Variants in PHACTR1 observed in about 807,000 individuals in gnomAD.
PHACTR1 encodes RPEL repeat containing 1.
Under a neutral mutation model 69.2 loss-of-function variants are expected in PHACTR1, and 16 were observed. That is an observed-to-expected ratio of 0.23 (90% CI 0.16 to 0.35). The LOEUF is 0.35. Ranked by LOEUF, PHACTR1 falls within the 10% of genes least tolerant of loss-of-function variation. The probability of loss-of-function intolerance (pLI) is 1.00; values close to 1 mark genes in which losing one functional copy is unlikely to be tolerated. For synonymous variants in PHACTR1, 312 were observed against 284.5 expected (o/e 1.10, Z -0.97); for missense variants, 510 against 734.7 (o/e 0.69, Z 3.54).
chr6:12,906,365 C>T (rs952794611), intron 4 of PHACTR1, among the ~76,000 whole-genome samples: 8 of 152,102 alleles, frequency 5.3e-5, no homozygotes, highest in Admixed American at 4.6e-4. Context: ...AGGGGTCAGC[C>T]TTTTCTCCCT....
chr6:12,769,555 G>A (rs1207269892), intron 4 of PHACTR1, among the ~76,000 whole-genome samples: 2 of 152,086 alleles, frequency 1.3e-5, no homozygotes, highest in Non-Finnish European at 2.9e-5. Flanking sequence ...GATAAACTGG[G>A]GATAATATTG....
chr6:12,754,953 G>A (rs1432096632), intron 4 of PHACTR1, among the ~76,000 whole-genome samples: 1 of 152,170 alleles, frequency 6.6e-6, no homozygotes, highest in Non-Finnish European at 1.5e-5. Context: ...CACGCATTTT[G>A]TTATTCGCAG....
chr6:13,003,405 A>G (rs1798323549), intron 4 of PHACTR1, among the ~76,000 whole-genome samples: 1 of 152,184 alleles, frequency 6.6e-6, no homozygotes, highest in Non-Finnish European at 1.5e-5. Flanking sequence ...AAATTACAAG[A>G]TTTGAGATAG....
At chr6:13,263,383 A>G (rs974194254) in intron 10 of PHACTR1, among the ~76,000 whole-genome samples, 2 of 151,698 alleles carry the variant, frequency 1.3e-5, no homozygotes, top group African/African-American at 4.8e-5. Context: ...AAATTTTTAA[A>G]GAAAATAGAA....
At chr6:13,078,662 C>T (rs541983445) in intron 5 of PHACTR1, among the ~76,000 whole-genome samples, 1 of 152,324 alleles carries the variant, frequency 6.6e-6, no homozygotes. Flanking sequence ...ACCAGACTGG[C>T]AGATACATTT....
rs367727832 is a variant in PHACTR1, at chr6:12,721,246, C to T, written c.103+2399C>T. 2.0e-5 allele frequency among the ~76,000 whole-genome samples: 3 copies of T among 151,872 alleles called. No homozygotes were observed. In the South Asian group the frequency reaches 6.2e-4, roughly 32 times the overall value. On this transcript the variant is annotated intron_variant, in intron 3 of 14. Coordinates refer to ENST00000332995, the MANE Select transcript of PHACTR1 (RefSeq NM_030948.6). ...ACTAAAAATACAAAAATTAGCCAGGCGCAGTGGCATGCCTGTAATCCCAGC... is the reference window on the plus strand; with the variant it reads ...ACTAAAAATACAAAAATTAGCCAGGTGCAGTGGCATGCCTGTAATCCCAGC...
intron 4 of PHACTR1, among the ~76,000 whole-genome samples, chr6:12,857,711 T>C (rs1780539595): frequency 1.3e-5 from 2 of 152,142 alleles, no homozygotes; most frequent in Admixed American, 6.5e-5. Context: ...GTTGCTGCTG[T>C]TGTTGTTGTT....
chr6:13,031,046 G>A (rs546290904), intron 4 of PHACTR1, among the ~76,000 whole-genome samples: 1 of 152,174 alleles, frequency 6.6e-6, no homozygotes, highest in Non-Finnish European at 1.5e-5. Context: ...CCAGATATTT[G>A]GCCAAATGTC....
At chr6:12,747,702 A>G (rs1266057627) in intron 3 of PHACTR1, among the ~76,000 whole-genome samples, 1 of 152,132 alleles carries the variant, frequency 6.6e-6, no homozygotes, top group African/African-American at 2.4e-5. Flanking sequence ...GCCATAAACT[A>G]ATGAGCTAGT....
intron 3 of PHACTR1, among the ~76,000 whole-genome samples, chr6:12,748,854 T>C (rs1211417282): frequency 6.6e-6 from 1 of 152,212 alleles, no homozygotes; most frequent in Non-Finnish European, 1.5e-5. Context: ...ATACCTACTT[T>C]ACATTCAAAA....
chr6:13,105,320 A>G (rs1815919740), intron 5 of PHACTR1, among the ~76,000 whole-genome samples: 1 of 151,976 alleles, frequency 6.6e-6, no homozygotes, highest in Admixed American at 6.6e-5. Context: ...TTGAGGCTAC[A>G]GTGAGCCATG....
At chr6:13,014,913 C>T (rs1001071523) in intron 4 of PHACTR1, among the ~76,000 whole-genome samples, 1 of 152,252 alleles carries the variant, frequency 6.6e-6, no homozygotes, top group South Asian at 2.1e-4. Context: ...CAGCTGTGGA[C>T]GCCCCTGTGT....
intron 4 of PHACTR1, among the ~76,000 whole-genome samples, chr6:12,795,725 T>C (rs1405084041): frequency 2.8e-5 from 4 of 144,678 alleles, no homozygotes; most frequent in Non-Finnish European, 6.0e-5. Flanking sequence ...AACAACATCA[T>C]GGTTTTTGAG....
chr6:12,833,360 G>A (rs914917562), intron 4 of PHACTR1, among the ~76,000 whole-genome samples: 9 of 151,682 alleles, frequency 5.9e-5, no homozygotes, highest in Non-Finnish European at 1.0e-4. Flanking sequence ...CCAGGTTCAC[G>A]CCATTCTCCT....
intron 4 of PHACTR1, among the ~76,000 whole-genome samples, chr6:13,024,956 T>C (rs1256486257): frequency 2.6e-5 from 4 of 152,118 alleles, no homozygotes; most frequent in East Asian, 1.9e-4. Context: ...CCTAGGTTAA[T>C]TTTTTTAGTT....
intron 4 of PHACTR1, among the ~76,000 whole-genome samples, chr6:12,996,314 T>A (rs180957658): frequency 3.2e-4 from 48 of 152,062 alleles, no homozygotes; most frequent in Non-Finnish European, 6.3e-4. Context: ...GTTAATAAAA[T>A]AGGCAAATCT....
chr6:13,229,884 G>C (rs1770532164), intron 9 of PHACTR1, among the ~76,000 whole-genome samples, 153 bp from the exon 10 acceptor site: 1 of 152,204 alleles, frequency 6.6e-6, no homozygotes, highest in Non-Finnish European at 1.5e-5. Context: ...GTGTGGCAAT[G>C]GCAGGAACTC....
chr6:12,910,428 A>C (rs1786257197), intron 4 of PHACTR1, among the ~76,000 whole-genome samples: 1 of 152,198 alleles, frequency 6.6e-6, no homozygotes, highest in Non-Finnish European at 1.5e-5. Context: ...GCACTAACAA[A>C]ATGCATATAG....
At chr6:13,128,644 T>G (rs1166993247) in intron 5 of PHACTR1, among the ~76,000 whole-genome samples, 1 of 151,764 alleles carries the variant, frequency 6.6e-6, no homozygotes, top group Non-Finnish European at 1.5e-5. Flanking sequence ...CCAAGAAAAT[T>G]GAGATTATGT....
Sources: allele counts gnomAD v4.1 joint callset (sites outside exome capture counted in the v4.1 genomes callset), GRCh38; gene constraint gnomAD v4.1.1; transcripts MANE v1.5; gene names NCBI Gene and HGNC (gene_info 2026-07-23, HGNC 2026-07-21).